The following ETFA variants were observed in gnomAD, a reference collection of about 807,000 sequenced individuals.
The protein encoded by ETFA is electron transfer flavoprotein subunit alpha, mitochondrial.
In ETFA, 22 loss-of-function variants were observed where a neutral mutation model predicts 46.2. The observed-to-expected ratio is 0.48, with a 90% confidence interval of 0.34 to 0.68. The LOEUF (loss-of-function observed/expected upper bound fraction) is 0.68, where lower values mean the gene tolerates loss of function less well. ETFA is among the 30% of genes least tolerant of loss of function. The pLI is 0.01. For synonymous variants in ETFA, 131 were observed against 139.9 expected (o/e 0.94, Z 0.45); for missense variants, 345 against 401.1 (o/e 0.86, Z 1.19).
intron 11 of ETFA, among the ~76,000 whole-genome samples, chr15:76,221,923 A>C (rs2142104936): frequency 6.6e-6 from 1 of 152,354 alleles, no homozygotes; most frequent in South Asian, 2.1e-4. Flanking sequence ...TTTTTACTCC[A>C]GATACGGTTC....
chr15:76,281,560 G>A (rs954149320), intron 8 of ETFA, among the ~76,000 whole-genome samples: 1 of 151,812 alleles, frequency 6.6e-6, no homozygotes, highest in African/African-American at 2.4e-5. Flanking sequence ...CAAGTAGCTG[G>A]GACTATAGGC....
At chr15:76,271,941 C>T (rs569213441) in intron 9 of ETFA, among the ~76,000 whole-genome samples, 1 of 145,250 alleles carries the variant, frequency 6.9e-6, no homozygotes, top group African/African-American at 2.6e-5. Flanking sequence ...ACACACACAC[C>T]CTGAGTTAAT....
At chr15:76,259,837 C>A in intron 9 of ETFA, 1 of 1,540,518 alleles carries the variant, frequency 6.5e-7, no homozygotes. Flanking sequence ...AGGGGTTCTC[C>A]CCAAGCCAGG....
At chr15:76,234,117 A>G (rs569834307) in intron 9 of ETFA, among the ~76,000 whole-genome samples, 1 of 152,270 alleles carries the variant, frequency 6.6e-6, no homozygotes, top group African/African-American at 2.4e-5. Context: ...ATCACAATAA[A>G]TGGTCCAAAT....
chr15:76,239,809 G>C (rs972882766), intron 9 of ETFA, among the ~76,000 whole-genome samples: 1 of 149,048 alleles, frequency 6.7e-6, no homozygotes, highest in East Asian at 1.9e-4. Flanking sequence ...AAAAAGTATT[G>C]TCAATTTTAG....
At chr15:76,218,189 T>C (rs1279195490) in intron 11 of ETFA, among the ~76,000 whole-genome samples, 1 of 152,254 alleles carries the variant, frequency 6.6e-6, no homozygotes, top group Admixed American at 6.5e-5. Flanking sequence ...TTACCGAATA[T>C]ATCCTTACCA....
At chr15:76,301,930 T>C (rs989375067) in intron 1 of ETFA, among the ~76,000 whole-genome samples, 1 of 152,036 alleles carries the variant, frequency 6.6e-6, no homozygotes, top group African/African-American at 2.4e-5. Flanking sequence ...AAGAAGCATA[T>C]GAAAAGATGC....
chr15:76,292,652 C>T lies in ETFA; in HGVS notation c.235G>A (p.Ala79Thr), dbSNP rs1179217074. ...AGGCCTTTGTACACATCATGCTGAG[C>T]CACCAGAACTTTTGCTATGCCTGCT... The part of the protein sequence containing the change: ...KVAGIAKVLV[A>T]QHDVYKGLLP... The change falls in exon 3 of 12, where the codon GCT becomes ACT. Residue 79 changes from alanine (A) to threonine (T), a missense_variant. Physicochemically the swap from Ala to Thr is moderately conservative, Grantham distance 58 (BLOSUM62 0). Transcript: ENST00000557943. The T allele has an allele frequency of 6.2e-7, 1 of 1,613,928 alleles. No homozygotes were observed. The highest frequency in any genetic ancestry group is 1.3e-5 in the African/African-American group (1 of 75,036).
intron 9 of ETFA, among the ~76,000 whole-genome samples, chr15:76,233,836 A>C (rs1596192292): frequency 6.6e-6 from 1 of 152,364 alleles, no homozygotes; most frequent in Non-Finnish European, 1.5e-5. Flanking sequence ...ATTGGAAAAG[A>C]CCAGTAGTCC....
chr15:76,310,369 G>GGA (rs1555460071), intron 1 of ETFA, among the ~76,000 whole-genome samples: 4 of 104,460 alleles, frequency 3.8e-5, no homozygotes, highest in Admixed American at 1.1e-4. Context: ...TCCATGCCCA[G>GGA]AAAAAAAAAA....
chr15:76,221,722 G>T (rs994064548), intron 11 of ETFA, among the ~76,000 whole-genome samples: 1 of 152,130 alleles, frequency 6.6e-6, no homozygotes, highest in Non-Finnish European at 1.5e-5. Flanking sequence ...GCAAGCTGAT[G>T]TCCAGAGATT....
chr15:76,309,544 C>T (rs1046043392), intron 1 of ETFA, among the ~76,000 whole-genome samples: 2 of 152,220 alleles, frequency 1.3e-5, no homozygotes, highest in Non-Finnish European at 2.9e-5. Context: ...CTTTGGCAAA[C>T]CACAATGAAT....
chr15:76,262,474 CTTTTTTTTTTT>C (rs60480510), intron 9 of ETFA, among the ~76,000 whole-genome samples: 6 of 84,730 alleles, frequency 7.1e-5, no homozygotes, highest in African/African-American at 2.2e-4. Flanking sequence ...ATCAAACCCC[CTTTTTTTTTTT>C]TTTTTTTTTT....
intron 9 of ETFA, among the ~76,000 whole-genome samples, chr15:76,256,888 ATACAGGTTTGTAGCCT>A (rs2039350588): frequency 6.6e-6 from 1 of 152,200 alleles, no homozygotes; most frequent in South Asian, 2.1e-4. Flanking sequence ...GTAACATACT[ATACAGGTTTGTAGCCT>A]AGCAGCAATA....
At chr15:76,300,448 ATTC>A (rs1314835189) in intron 1 of ETFA, among the ~76,000 whole-genome samples, 2 of 152,104 alleles carry the variant, frequency 1.3e-5, no homozygotes, top group Non-Finnish European at 2.9e-5. Flanking sequence ...AGTCATAACA[ATTC>A]TTCCTTCTAA....
intron 9 of ETFA, among the ~76,000 whole-genome samples, chr15:76,264,789 TC>T (rs1037850127): frequency 2.0e-5 from 3 of 152,170 alleles, no homozygotes; most frequent in Non-Finnish European, 4.4e-5. Context: ...AAAGAATATG[TC>T]CCGTTTCTCA....
At position 76,286,749 on chromosome 15, in the gene ETFA, G is replaced by A. The variant is rs10519134; in HGVS notation, c.452-268C>T. ...CTCGAACAGGCATCCACACTAAGAA[G>A]GTACACTACACCTCTAAAAGGAATA... is the stretch of plus-strand genomic sequence containing the variant. On this transcript the variant is annotated intron_variant, in intron 5 of 11. Transcript: ENST00000557943. Among the ~76,000 whole-genome samples, 11,771 of 152,134 alleles carry A rather than the reference G, an allele frequency of 0.077. 660 individuals are homozygous for A. The highest frequency in any genetic ancestry group is 0.12 in the Non-Finnish European group (7,857 of 67,994).
chr15:76,296,684 C>T (rs1197816080), intron 1 of ETFA, among the ~76,000 whole-genome samples: 1 of 152,184 alleles, frequency 6.6e-6, no homozygotes, highest in Non-Finnish European at 1.5e-5. Flanking sequence ...ATCTTGGAAC[C>T]AACCAATATC....
intron 1 of ETFA, among the ~76,000 whole-genome samples, chr15:76,301,157 C>T (rs1252164594): frequency 6.6e-6 from 1 of 152,126 alleles, no homozygotes. Context: ...CATATTAATC[C>T]TCAATAAATG....
Sources: allele counts gnomAD v4.1 joint callset (sites outside exome capture counted in the v4.1 genomes callset), GRCh38; gene constraint gnomAD v4.1.1; transcripts MANE v1.5; gene names NCBI Gene and HGNC (gene_info 2026-07-23, HGNC 2026-07-21).